LRP1B: variants seen among roughly 807,000 people sequenced by gnomAD.
The protein encoded by LRP1B is LDL receptor related protein 1B.
In LRP1B, 217 loss-of-function variants were observed where a neutral mutation model predicts 556.6. That is an observed-to-expected ratio of 0.39 (90% confidence interval 0.35 to 0.44). The LOEUF (loss-of-function observed/expected upper bound fraction) is 0.44, where lower values mean the gene tolerates loss of function less well. LRP1B is among the 20% of genes least tolerant of loss of function. LRP1B has a pLI of 1.00. For missense variants in LRP1B, 5,053 were observed against 5,620.8 expected (o/e 0.90, Z 3.23); for synonymous variants, 2,047 against 1,865.8 (o/e 1.10, Z -2.50).
At chr2:141,153,381 T>C (rs1017907565) in intron 7 of LRP1B, among the ~76,000 whole-genome samples, 1 of 91,110 alleles carries the variant, frequency 1.1e-5, no homozygotes, top group African/African-American at 3.9e-5. Context: ...TAATAATATA[T>C]ATAAGCTATA....
At chr2:141,141,434 G>A (rs548786173) in intron 7 of LRP1B, among the ~76,000 whole-genome samples, 2 of 152,106 alleles carry the variant, frequency 1.3e-5, no homozygotes, top group Admixed American at 6.5e-5. Flanking sequence ...TTAACCAAAC[G>A]GAATTATGAT....
At chr2:140,767,981 T>C (rs1689175055) in intron 35 of LRP1B, among the ~76,000 whole-genome samples, 1 of 151,950 alleles carries the variant, frequency 6.6e-6, no homozygotes, top group African/African-American at 2.4e-5. Context: ...AGATTATTCA[T>C]TGTAGAGGTA....
intron 2 of LRP1B, among the ~76,000 whole-genome samples, chr2:141,494,307 G>C (rs1359011667): frequency 6.6e-6 from 1 of 152,148 alleles, no homozygotes; most frequent in Non-Finnish European, 1.5e-5. Flanking sequence ...CACTGGGCAA[G>C]TTAGTACCTT....
chr2:141,814,989 T>A (rs1696483497), intron 1 of LRP1B, among the ~76,000 whole-genome samples: 1 of 152,128 alleles, frequency 6.6e-6, no homozygotes, highest in Admixed American at 6.5e-5. Flanking sequence ...ACTAAAGTTA[T>A]GTGAAATTCT....
At chr2:140,984,189 T>C (rs911251862) in intron 17 of LRP1B, among the ~76,000 whole-genome samples, 1 of 151,938 alleles carries the variant, frequency 6.6e-6, no homozygotes, top group Non-Finnish European at 1.5e-5. Context: ...CATATCTCTG[T>C]TTCACTGGTT....
intron 77 of LRP1B, among the ~76,000 whole-genome samples, chr2:140,349,015 T>C (rs1681829436): frequency 6.6e-6 from 1 of 152,116 alleles, no homozygotes; most frequent in Non-Finnish European, 1.5e-5. Flanking sequence ...ATTCCTCACA[T>C]GCACAGTTCA....
intron 2 of LRP1B, among the ~76,000 whole-genome samples, chr2:141,644,827 G>A (rs1357678994): frequency 1.3e-5 from 2 of 150,512 alleles, no homozygotes; most frequent in African/African-American, 4.9e-5. Context: ...AAATAGACTT[G>A]GAACTCATTC....
At chr2:141,012,055 T>C (rs1558799475) in intron 14 of LRP1B, among the ~76,000 whole-genome samples, 1 of 152,072 alleles carries the variant, frequency 6.6e-6, no homozygotes, top group Non-Finnish European at 1.5e-5. Flanking sequence ...GGAAATGTTA[T>C]GAGGAAAGTA....
intron 35 of LRP1B, among the ~76,000 whole-genome samples, chr2:140,733,926 A>C (rs10200122): frequency 6.6e-6 from 1 of 152,126 alleles, no homozygotes; most frequent in Non-Finnish European, 1.5e-5. Flanking sequence ...GTAAATTTTA[A>C]GTAGATTGTC....
intron 2 of LRP1B, among the ~76,000 whole-genome samples, chr2:141,508,295 A>T (rs1684005293): frequency 6.6e-6 from 1 of 152,028 alleles, no homozygotes; most frequent in African/African-American, 2.4e-5. Flanking sequence ...AAGGTATTTG[A>T]CTCATCTCAA....
intron 4 of LRP1B, among the ~76,000 whole-genome samples, chr2:141,253,008 C>T (rs1005982396): frequency 6.6e-6 from 1 of 152,150 alleles, no homozygotes; most frequent in East Asian, 1.9e-4. Flanking sequence ...TTAATTAACA[C>T]TCAGGAATCT....
Position 142,115,673 on chromosome 2 carries a change from AAT to A in LRP1B, c.82+14973_82+14974del, listed in dbSNP as rs1157292893. ...TATATTATATGTAATATATATATGTAATATATATATAATATATATGTAATATA... is the reference window on the plus strand; with the variant it reads ...TATATTATATGTAATATATATATGTAATATATATAATATATATGTAATATA... On this transcript the variant is annotated intron_variant, in intron 1 of 90. Transcript: ENST00000389484. Among the ~76,000 whole-genome samples, 12 of 3,412 alleles carry A rather than the reference AAT, an allele frequency of 3.5e-3. 3 individuals carry two copies. The highest frequency in any genetic ancestry group is 6.9e-3 in the African/African-American group (12 of 1,732). 2.2% of individuals were successfully genotyped at this position (3,412 alleles called of 152,430 possible). A position where few individuals can be genotyped will look rare whatever the true frequency, so the allele number is the denominator to read the frequency against.
intron 2 of LRP1B, among the ~76,000 whole-genome samples, chr2:141,636,095 T>C (rs1278314002): frequency 6.6e-6 from 1 of 152,048 alleles, no homozygotes; most frequent in East Asian, 1.9e-4. Context: ...TTCTGGGTAC[T>C]GGGGACAGTA....
intron 2 of LRP1B, among the ~76,000 whole-genome samples, chr2:141,530,243 A>G (rs1289572763): frequency 6.6e-6 from 1 of 152,148 alleles, no homozygotes; most frequent in Non-Finnish European, 1.5e-5. Flanking sequence ...AGGTTCATTC[A>G]TTAATAAAGT....
chr2:141,122,723 C>G (rs1701091917), intron 7 of LRP1B, among the ~76,000 whole-genome samples: 1 of 152,106 alleles, frequency 6.6e-6, no homozygotes, highest in Non-Finnish European at 1.5e-5. Context: ...CTAGAAATAC[C>G]ATTTGACCCA....
intron 18 of LRP1B, among the ~76,000 whole-genome samples, chr2:140,976,342 G>C (rs1375581149): frequency 6.6e-6 from 1 of 151,446 alleles, no homozygotes; most frequent in Non-Finnish European, 1.5e-5. Flanking sequence ...AAGATAACAA[G>C]ATTACAAGAG....
At chr2:140,866,002 T>G (rs1157206984) in intron 27 of LRP1B, among the ~76,000 whole-genome samples, 2 of 152,048 alleles carry the variant, frequency 1.3e-5, no homozygotes, top group African/African-American at 4.8e-5. Context: ...AGTTAGTAAA[T>G]GAAGGAGAAG....
chr2:141,622,560 A>G (rs1688542088), intron 2 of LRP1B, among the ~76,000 whole-genome samples: 1 of 152,230 alleles, frequency 6.6e-6, no homozygotes, highest in Non-Finnish European at 1.5e-5. Flanking sequence ...TCACATCAGT[A>G]AAGTGATTCA....
At chr2:140,484,366 G>A (rs990739881) in intron 59 of LRP1B, among the ~76,000 whole-genome samples, 9 of 152,200 alleles carry the variant, frequency 5.9e-5, no homozygotes, top group Non-Finnish European at 1.3e-4. Context: ...ATACATTAAC[G>A]AGAAGCAAAA....
Sources: gnomAD v4.1 joint callset for allele counts (sites outside exome capture counted in the v4.1 genomes callset) on GRCh38, gnomAD v4.1.1 for gene constraint, MANE v1.5 for transcripts, NCBI Gene and HGNC (gene_info 2026-07-23, HGNC 2026-07-21) for gene names.